The following APBA1 variants were observed in gnomAD, a reference collection of about 807,000 sequenced individuals.
APBA1 encodes amyloid-beta A4 precursor protein-binding family A member 1.
APBA1 carries 55 observed loss-of-function variants against 86.6 expected under a neutral mutation model. The observed-to-expected ratio is 0.64, with a 90% CI of 0.51 to 0.80. The LOEUF is 0.80. Among genes scored for constraint, APBA1 ranks in the 30% least tolerant of loss-of-function variants. The probability of loss-of-function intolerance (pLI) is 0.00; values close to 1 mark genes in which losing one functional copy is unlikely to be tolerated. For missense variants in APBA1, 1,090 were observed against 1,183.0 expected (o/e 0.92, Z 1.15); for synonymous variants, 511 against 493.9 (o/e 1.03, Z -0.46).
At chr9:69,456,867 G>A (rs1425718931) in intron 7 of APBA1, among the ~76,000 whole-genome samples, 186 bp downstream of exon 7, 1 of 152,078 alleles carries the variant, frequency 6.6e-6, no homozygotes, top group Non-Finnish European at 1.5e-5. Context: ...GTGTTTTTGG[G>A]CTTTAAGAAA....
At chr9:69,477,421 A>G (rs1835471178) in intron 2 of APBA1, among the ~76,000 whole-genome samples, 1 of 6,984 alleles carries the variant, frequency 1.4e-4, no homozygotes, top group Non-Finnish European at 3.5e-4. Context: ...ACCGGCTTAA[A>G]AAACCGCGCA....
chr9:69,488,287 TGA>T (rs796337740), intron 2 of APBA1, among the ~76,000 whole-genome samples: 22 of 152,170 alleles, frequency 1.4e-4, no homozygotes, highest in African/African-American at 5.3e-4. Context: ...AAGTCACATG[TGA>T]TTTGAAGGTT....
intron 2 of APBA1, among the ~76,000 whole-genome samples, chr9:69,490,414 T>C (rs538643286): frequency 5.3e-5 from 8 of 151,960 alleles, no homozygotes; most frequent in African/African-American, 1.7e-4. Flanking sequence ...GCATGGCACA[T>C]GTATACATAT....
chr9:69,597,050 G>A (rs553084975), intron 1 of APBA1, among the ~76,000 whole-genome samples: 3 of 152,212 alleles, frequency 2.0e-5, no homozygotes, highest in Admixed American at 6.5e-5. Flanking sequence ...TCTGCTTGAG[G>A]CTGAAGGGAC....
chr9:69,445,590 G>A (rs368173269), intron 10 of APBA1, among the ~76,000 whole-genome samples: 4 of 152,098 alleles, frequency 2.6e-5, no homozygotes, highest in Non-Finnish European at 4.4e-5. Flanking sequence ...GAAGCTGTGC[G>A]CTATTCTAAA....
chr9:69,548,075 C>G (rs1291631457), intron 1 of APBA1, among the ~76,000 whole-genome samples: 1 of 152,182 alleles, frequency 6.6e-6, no homozygotes, highest in Admixed American at 6.5e-5. Context: ...TCTTTTCCAA[C>G]TGTGTCAGAG....
At chr9:69,541,918 A>G (rs1175635874) in intron 1 of APBA1, among the ~76,000 whole-genome samples, 1 of 152,070 alleles carries the variant, frequency 6.6e-6, no homozygotes, top group African/African-American at 2.4e-5. Flanking sequence ...TTTAGTTTCA[A>G]TTCAGCATGT....
chr9:69,603,620 T>A lies in APBA1; in HGVS notation c.-70+68533A>T, dbSNP rs192401834. ...ATAAATTCAAACATAGGTCTACAGCTAAAAGTAAATGAAGAAAGAGAATTA... is the reference window on the plus strand; with the variant it reads ...ATAAATTCAAACATAGGTCTACAGCAAAAAGTAAATGAAGAAAGAGAATTA... On this transcript the variant is annotated intron_variant, in intron 1 of 12. Coordinates refer to ENST00000265381, the MANE Select transcript of APBA1 (RefSeq NM_001163.4). Among the ~76,000 whole-genome samples, 4 of 152,366 alleles carry A rather than the reference T, an allele frequency of 2.6e-5. No individual in the cohort carries two copies. The East Asian group carries it at 7.7e-4, about 29-fold the overall frequency.
chr9:69,607,093 T>A (rs1440838904), intron 1 of APBA1, among the ~76,000 whole-genome samples: 1 of 152,202 alleles, frequency 6.6e-6, no homozygotes, highest in African/African-American at 2.4e-5. Flanking sequence ...TCTGTTATTA[T>A]CTCTTTGGGT....
intron 10 of APBA1, among the ~76,000 whole-genome samples, chr9:69,442,640 G>A (rs1224849047): frequency 6.6e-6 from 1 of 152,214 alleles, no homozygotes; most frequent in African/African-American, 2.4e-5. Context: ...CCCTCTACGA[G>A]TGAAGTGGAA....
chr9:69,483,223 C>G (rs369350933), intron 2 of APBA1, among the ~76,000 whole-genome samples: 1 of 149,488 alleles, frequency 6.7e-6, no homozygotes, highest in Non-Finnish European at 1.5e-5. Flanking sequence ...GCTTCACAGT[C>G]TGTTGGCAAT....
intron 2 of APBA1, among the ~76,000 whole-genome samples, chr9:69,483,256 C>T (rs993913811): frequency 6.6e-6 from 1 of 151,532 alleles, no homozygotes; most frequent in Non-Finnish European, 1.5e-5. Context: ...GCATAAAACA[C>T]AGAGAAAAAC....
Position 69,427,795 on chromosome 9 carries a change from CATT to C in APBA1, c.*3529_*3531del, listed in dbSNP as rs1834513102. 1 of 151,914 alleles carries C rather than the reference CATT, an allele frequency of 6.6e-6. No individual in the cohort carries two copies. The highest frequency in any genetic ancestry group is 1.5e-5 in the Non-Finnish European group (1 of 67,980). The allele number at this position is 151,914 out of a possible 1,614,324, so 9.4% of individuals were successfully genotyped here. A position where few individuals can be genotyped will look rare whatever the true frequency, so the allele number is the denominator to read the frequency against. Reference sequence around the variant, plus strand: ...TATTTATTTATATTTATATATAGATCATTGAGTTTTGTGTATACAAAGAACGAT... The same window carrying C: ...TATTTATTTATATTTATATATAGATCGAGTTTTGTGTATACAAAGAACGAT... On this transcript the variant is annotated 3_prime_UTR_variant, in exon 13 of 13. Transcript: ENST00000265381.
rs1035020915 is a variant in APBA1 at position 69,431,034 on chromosome 9, C to T, written c.*293G>A. The T allele has an allele frequency of 6.2e-6, 2 of 321,116 alleles. No homozygotes were observed. Among genetic ancestry groups the T allele is most frequent in the African/African-American group, 4.3e-5 (2 of 46,834 alleles). 19.9% of individuals were successfully genotyped at this position (321,116 alleles called of 1,614,324 possible). A position where few individuals can be genotyped will look rare whatever the true frequency, so the allele number is the denominator to read the frequency against. On this transcript the variant is annotated 3_prime_UTR_variant, in exon 13 of 13. Coordinates refer to ENST00000265381, the MANE Select transcript of APBA1 (RefSeq NM_001163.4). ...CTCCCTCAAGCAGTGACAGCCCACC[C>T]CCTGGACACACCCAGAAAGCCCTCC...
rs140974851 is a variant in APBA1, at chr9:69,636,621, C to T, written c.-70+35532G>A. Among the ~76,000 whole-genome samples the T allele has an allele frequency of 7.4e-3, 1,119 of 151,804 alleles. 15 individuals are homozygous for T. Among genetic ancestry groups the T allele is most frequent in the African/African-American group, 0.025 (1,043 of 41,386 alleles). ...GACCAGCCTGGGCAACACAGTGAAA[C>T]CCCATCTCTACAAAAAGTACAAAAA... On this transcript the variant is annotated intron_variant, in intron 1 of 12. Coordinates refer to ENST00000265381, the MANE Select transcript of APBA1 (RefSeq NM_001163.4).
chr9:69,639,212 T>C (rs1419031373), intron 1 of APBA1, among the ~76,000 whole-genome samples: 1 of 152,208 alleles, frequency 6.6e-6, no homozygotes, highest in African/African-American at 2.4e-5. Context: ...GTTGTATTAG[T>C]CTATGTGAAT....
chr9:69,498,353 G>A (rs536848423), intron 2 of APBA1, among the ~76,000 whole-genome samples: 1 of 152,236 alleles, frequency 6.6e-6, no homozygotes, highest in Non-Finnish European at 1.5e-5. Flanking sequence ...ATGTGAGCTT[G>A]AGATGACTGC....
At chr9:69,455,478 C>A (rs972481056) in intron 8 of APBA1, among the ~76,000 whole-genome samples, 11 of 152,080 alleles carry the variant, frequency 7.2e-5, no homozygotes, top group Non-Finnish European at 1.3e-4. Flanking sequence ...GGGTTACAAC[C>A]CTGAAAGTAG....
intron 1 of APBA1, among the ~76,000 whole-genome samples, chr9:69,534,775 G>C (rs930479697): frequency 6.6e-6 from 1 of 151,764 alleles, no homozygotes; most frequent in African/African-American, 2.4e-5. Flanking sequence ...TTCTTCTAGG[G>C]GTTACTTCCA....
Sources: gnomAD v4.1 joint callset for allele counts (sites outside exome capture counted in the v4.1 genomes callset) on GRCh38, gnomAD v4.1.1 for gene constraint, MANE v1.5 for transcripts, NCBI Gene and HGNC (gene_info 2026-07-23, HGNC 2026-07-21) for gene names.